The following RASSF3 variants were observed in gnomAD, a reference collection of about 807,000 sequenced individuals.
RASSF3 encodes ras association domain-containing protein 3.
RASSF3 carries 19 observed loss-of-function variants against 19.9 expected under a neutral mutation model. The ratio of observed to expected loss-of-function variants is 0.96; its 90% CI spans 0.67 to 1.40. RASSF3 has a LOEUF of 1.40. Among genes scored for constraint, RASSF3 ranks in the 40% most tolerant of loss-of-function variants. The pLI is 0.00. For synonymous variants in RASSF3, 110 were observed against 104.2 expected (o/e 1.06, Z -0.34); for missense variants, 306 against 289.8 (o/e 1.06, Z -0.41).
intron 2 of RASSF3, among the ~76,000 whole-genome samples, chr12:64,548,114 A>C (rs1869100348): frequency 6.6e-6 from 1 of 152,172 alleles, no homozygotes; most frequent in South Asian, 2.1e-4. Context: ...TCTAAGGTGT[A>C]ATATTTATGA....
intron 1 of RASSF3, among the ~76,000 whole-genome samples, chr12:64,667,219 C>T (rs766106151): frequency 2.6e-5 from 4 of 152,022 alleles, no homozygotes; most frequent in Non-Finnish European, 5.9e-5. Context: ...TTCTTTGCTG[C>T]AAGGGGAACA....
At chr12:64,622,619 A>G in intron 1 of RASSF3, 1 of 387,696 alleles carries the variant, frequency 2.6e-6, no homozygotes. Flanking sequence ...GGCTTGTTGA[A>G]GCCTAAGTAG....
At chr12:64,543,470 GCCTGCCCACCC>G (rs1868988146), downstream of RASSF3, among the ~76,000 whole-genome samples, 1 of 9,800 alleles carries the variant, frequency 1.0e-4, no homozygotes, top group African/African-American at 2.5e-4. Flanking sequence ...CTCCCCACCC[GCCTGCCCACCC>G]CCCACTCCCC....
Position 64,697,386 on chromosome 12 carries a change from G to A in RASSF3, c.*2474G>A, listed in dbSNP as rs538906029. On this transcript the variant is annotated 3_prime_UTR_variant, in exon 5 of 5. Transcript: ENST00000542104. Reference sequence around the variant, plus strand: ...TTCTCTTCAATATGTGATGGTACAGGAAGGATGTTAAATGAAGGGGTGGTA... The same window carrying A: ...TTCTCTTCAATATGTGATGGTACAGAAAGGATGTTAAATGAAGGGGTGGTA... 3 of 152,260 alleles carry A rather than the reference G, an allele frequency of 2.0e-5. 1 individual carries two copies. The South Asian group carries it at 6.2e-4, about 32-fold the overall frequency. The allele number at this position is 152,260 out of a possible 1,614,324, so 9.4% of individuals were successfully genotyped here. A position where few individuals can be genotyped will look rare whatever the true frequency, so the allele number is the denominator to read the frequency against.
rs986291509 is a variant in RASSF3 at position 64,695,198 on chromosome 12, T to G, written c.*286T>G. 2.6e-5 allele frequency: 8 copies of G among 308,548 alleles called. No individual in the cohort carries two copies. Among genetic ancestry groups the G allele is most frequent in the Non-Finnish European group, 4.8e-5 (8 of 167,992 alleles). The allele number at this position is 308,548 out of a possible 1,614,324, so 19.1% of individuals were successfully genotyped here. A position where few individuals can be genotyped will look rare whatever the true frequency, so the allele number is the denominator to read the frequency against. ...CGAGGGTGCTTGGAAGCATGAACTC[T>G]GGGGGTGTTTTTTTTTTTGGTTATT... On this transcript the variant is annotated 3_prime_UTR_variant, in exon 5 of 5. Coordinates refer to ENST00000542104, the MANE Select transcript of RASSF3 (RefSeq NM_178169.4).
At chr12:64,588,354 T>C (rs543370230) in intron 2 of RASSF3, among the ~76,000 whole-genome samples, 1 of 152,280 alleles carries the variant, frequency 6.6e-6, no homozygotes, top group East Asian at 1.9e-4. Flanking sequence ...TAATATTCAT[T>C]ATTACAGATT....
At chr12:64,673,405 T>G (rs1872769820) in intron 1 of RASSF3, among the ~76,000 whole-genome samples, 2 of 152,238 alleles carry the variant, frequency 1.3e-5, no homozygotes, top group South Asian at 4.1e-4. Flanking sequence ...TTTGTATTTA[T>G]TGTTTGGGGT....
chr12:64,672,922 T>C (rs945593884), intron 1 of RASSF3, among the ~76,000 whole-genome samples: 1 of 152,236 alleles, frequency 6.6e-6, no homozygotes, highest in African/African-American at 2.4e-5. Flanking sequence ...CTGCCCTTGA[T>C]GTTCAGATTC....
At chr12:64,539,392 T>C (rs1285809209) in intron 1 of RASSF3, among the ~76,000 whole-genome samples, 1 of 152,214 alleles carries the variant, frequency 6.6e-6, no homozygotes, top group Non-Finnish European at 1.5e-5. Flanking sequence ...AATTTGGGAA[T>C]TAAGTTTCCA....
chr12:64,549,959 T>G (rs1869130350), intron 2 of RASSF3, among the ~76,000 whole-genome samples: 1 of 152,228 alleles, frequency 6.6e-6, no homozygotes, highest in African/African-American at 2.4e-5. Flanking sequence ...AGATATTCTT[T>G]CATGCTTACC....
chr12:64,535,316 TA>T (rs112767038), intron 1 of RASSF3, among the ~76,000 whole-genome samples: 16 of 146,510 alleles, frequency 1.1e-4, no homozygotes, highest in Middle Eastern at 3.5e-3. Flanking sequence ...ACTCTGTCTC[TA>T]AAAAAAAAAA....
At position 64,571,107 on chromosome 12, in the gene RASSF3, C is replaced by T. The variant is rs373281054; in HGVS notation, c.294+29402C>T. On this transcript the variant is annotated intron_variant, in intron 2 of 5. Transcript: ENST00000637125. ...GTCGCGGGCGCCTGTAATCCAGCTA[C>T]TTGGGAGGCTGAGGCAGGAGAATTG... Among the ~76,000 whole-genome samples the T allele has an allele frequency of 1.8e-3, 280 of 152,092 alleles. 1 individual carries two copies. Among genetic ancestry groups the T allele is most frequent in the Non-Finnish European group, 3.1e-3 (211 of 68,002 alleles).
chr12:64,692,124 G>C (rs1226627464), intron 4 of RASSF3, among the ~76,000 whole-genome samples: 1 of 152,086 alleles, frequency 6.6e-6, no homozygotes, highest in Admixed American at 6.5e-5. Context: ...TCTCCAGGGA[G>C]GATTGTATTT....
At chr12:64,556,513 C>T (rs1366651580) in intron 2 of RASSF3, among the ~76,000 whole-genome samples, 1 of 152,086 alleles carries the variant, frequency 6.6e-6, no homozygotes. Flanking sequence ...GGAGTCCTTC[C>T]TTTTGCAGGA....
At chr12:64,507,991 TAC>T (rs1284793780) in intron 1 of RASSF3, among the ~76,000 whole-genome samples, 1 of 152,174 alleles carries the variant, frequency 6.6e-6, no homozygotes, top group Non-Finnish European at 1.5e-5. Context: ...TTCACCTTCA[TAC>T]TCTGCAGCAC....
At chr12:64,617,040 G>T (rs1408188134) in intron 1 of RASSF3, among the ~76,000 whole-genome samples, 2 of 152,168 alleles carry the variant, frequency 1.3e-5, no homozygotes, top group Admixed American at 6.5e-5. Context: ...TAATATAAAT[G>T]CTTGGCACTT....
intron 2 of RASSF3, among the ~76,000 whole-genome samples, chr12:64,596,466 T>C (rs969492471): frequency 6.6e-6 from 1 of 152,190 alleles, no homozygotes; most frequent in Non-Finnish European, 1.5e-5. Flanking sequence ...TGTACAAGCA[T>C]GGCACCAGTG....
intron 1 of RASSF3, 31 bp downstream of exon 1, chr12:64,610,774 G>A: frequency 6.8e-7 from 1 of 1,469,908 alleles, no homozygotes; most frequent in Non-Finnish European, 9.3e-7. Context: ...GCTGCAGCCC[G>A]CGCCCCAGAG....
At chr12:64,678,538 A>G (rs1000411750) in intron 1 of RASSF3, among the ~76,000 whole-genome samples, 1 of 150,434 alleles carries the variant, frequency 6.6e-6, no homozygotes, top group Admixed American at 6.7e-5. Flanking sequence ...CACTGTGCAT[A>G]TATTGTCCCC....
Sources: allele counts gnomAD v4.1 joint callset (sites outside exome capture counted in the v4.1 genomes callset), GRCh38; gene constraint gnomAD v4.1.1; transcripts MANE v1.5; gene names NCBI Gene and HGNC (gene_info 2026-07-23, HGNC 2026-07-21).